Variants in TAF4B observed in about 807,000 individuals in gnomAD.
The protein encoded by TAF4B is transcription initiation factor TFIID subunit 4B.
In TAF4B, 38 loss-of-function variants were observed where a neutral mutation model predicts 86.4. The observed-to-expected ratio is 0.44, with a 90% CI of 0.34 to 0.58. The LOEUF is 0.58. TAF4B is among the 20% of genes least tolerant of loss of function. The pLI is 0.02. For missense variants in TAF4B, 988 were observed against 1,027.6 expected, an observed-to-expected ratio of 0.96 and a Z score of 0.53; for synonymous variants, 388 against 391.2, an observed-to-expected ratio of 0.99 and a Z score of 0.10.
Position 26,315,413 on chromosome 18 carries a change from A to T in TAF4B, c.2002+15A>T. 2 of 1,593,970 alleles carry T rather than the reference A, an allele frequency of 1.3e-6. No individual in the cohort carries two copies. Among genetic ancestry groups the T allele is most frequent in the South Asian group, 1.1e-5 (1 of 88,172 alleles). ...TTTAGACATTGGTAAGTGTAGAGTT[A>T]TGATTATTGACCTGATAGAGATGTC... On this transcript the variant is annotated intron_variant, in intron 10 of 14. Transcript: ENST00000269142.
chr18:26,321,181 A>T lies in TAF4B; in HGVS notation c.2114A>T (p.His705Leu). The change falls in exon 11 of 15, where the codon CAT becomes CTT. Residue 705 changes from histidine (H) to leucine (L), a missense_variant. Physicochemically the swap from His to Leu is moderately conservative, Grantham distance 99. Around this residue, in one of 3 missense-constraint regions of TAF4B, gnomAD observed 216 missense variants for 238.4 expected, o/e 0.91. Transcript: ENST00000269142. ...GAAAAACTGACTGCAATTGCTCAGC[A>T]TCGAATGACTACTTACAAGGTAAAG... is the stretch of plus-strand genomic sequence containing the variant. ...LLEKLTAIAQ[H>L]RMTTYKASEN... 1.2e-6 allele frequency: 2 copies of T among 1,613,834 alleles called. No individual in the cohort carries two copies. Among genetic ancestry groups the T allele is most frequent in the Non-Finnish European group, 1.7e-6 (2 of 1,179,796 alleles).
At position 26,281,951 on chromosome 18, in the gene TAF4B, C is replaced by A; in HGVS notation, c.883-20C>A. The A allele has an allele frequency of 1.3e-6, 2 of 1,571,654 alleles. No individual in the cohort carries two copies. Among genetic ancestry groups the A allele is most frequent in the East Asian group, 2.2e-5 (1 of 44,536 alleles). On this transcript the variant is annotated intron_variant, in intron 5 of 14. Transcript: ENST00000269142. The stretch of plus-strand genomic sequence containing the variant: ...AAGATTTGTAGACTTAAAATTGTTT[C>A]TATTTCTCCCATCCCTCAGGATGCA...
chr18:26,359,920 G>A (rs1252091254), intron 14 of TAF4B, among the ~76,000 whole-genome samples: 1 of 149,720 alleles, frequency 6.7e-6, no homozygotes, highest in African/African-American at 2.5e-5. Flanking sequence ...GTTTTGCCAT[G>A]TTGCCCAGCT....
chr18:26,292,398 C>T lies in TAF4B; in HGVS notation c.1726+17C>T, dbSNP rs760951786. On this transcript the variant is annotated intron_variant, in intron 8 of 14. Transcript: ENST00000269142. The stretch of plus-strand genomic sequence containing the variant: ...TTCCTCCAGGTAGATGCTGGTCCAT[C>T]TCAGTCCCATCATGCTGGGTTAGAA... 4.4e-6 allele frequency: 7 copies of T among 1,603,610 alleles called. No individual in the cohort carries two copies. The highest frequency in any genetic ancestry group is 6.0e-6 in the Non-Finnish European group (7 of 1,176,164).
intron 9 of TAF4B, among the ~76,000 whole-genome samples, chr18:26,298,234 A>G (rs2056688550): frequency 6.6e-6 from 1 of 151,626 alleles, no homozygotes; most frequent in Non-Finnish European, 1.5e-5. Flanking sequence ...TAATTTATTT[A>G]TTTTGAGACA....
chr18:26,243,375 T>C (rs1341488354), intron 1 of TAF4B, among the ~76,000 whole-genome samples: 2 of 152,230 alleles, frequency 1.3e-5, no homozygotes, highest in African/African-American at 2.4e-5. Context: ...GTTGATCGAA[T>C]CGGCTACTGA....
chr18:26,295,509 C>T (rs2056652128), intron 9 of TAF4B, among the ~76,000 whole-genome samples: 1 of 152,178 alleles, frequency 6.6e-6, no homozygotes, highest in Non-Finnish European at 1.5e-5. Flanking sequence ...GGTTTGTGCT[C>T]CTATGAGACT....
intron 11 of TAF4B, among the ~76,000 whole-genome samples, chr18:26,325,369 A>G (rs893806426): frequency 6.6e-6 from 1 of 152,190 alleles, no homozygotes; most frequent in African/African-American, 2.4e-5. Context: ...TAACATTGTA[A>G]AGCCCTACTC....
rs774387036 is a variant in TAF4B, at chr18:26,274,824, G to A, written c.759G>A (p.Pro253=). ...CAGCTGTTCAGATTAATCTTTCTCC[G>A]GTAAGCTCTTACTTGCACCTTACAT... ...NSAAVQINLS[P]TMLENVKKCK... is the part of the protein sequence containing the mutation. Residue 253 remains proline, a splice_region_variant and synonymous_variant, in exon 4 of 15, where the codon CCG becomes CCA. Coordinates refer to ENST00000269142, the MANE Select transcript of TAF4B (RefSeq NM_005640.3). 18 of 1,613,954 alleles carry A rather than the reference G, an allele frequency of 1.1e-5. No individual in the cohort carries two copies. The African/African-American group carries it at 1.2e-4, about 11-fold the overall frequency.
chr18:26,292,326 T>C lies in TAF4B; in HGVS notation c.1671T>C (p.Cys557=), dbSNP rs767796778. ...CCTCAACATTGACCATTCAGAAATGTGGACAGAAGACGATGCCAGTGAACA... is the reference window on the plus strand; with the variant it reads ...CCTCAACATTGACCATTCAGAAATGCGGACAGAAGACGATGCCAGTGAACA... ...SHSSTLTIQK[C]GQKTMPVNTI... Residue 557 remains cysteine (C), a synonymous_variant, in exon 8 of 15, where the codon TGT becomes TGC. Transcript: ENST00000269142. 21 of 1,614,056 alleles carry C rather than the reference T, an allele frequency of 1.3e-5. No homozygotes were observed. Among genetic ancestry groups the C allele is most frequent in the Non-Finnish European group, 1.7e-5 (20 of 1,180,018 alleles).
intron 3 of TAF4B, among the ~76,000 whole-genome samples, chr18:26,272,947 G>A (rs1343007859): frequency 6.6e-6 from 1 of 151,980 alleles, no homozygotes; most frequent in Non-Finnish European, 1.5e-5. Flanking sequence ...TATCTCTTTT[G>A]TTAAAAACTT....
intron 3 of TAF4B, among the ~76,000 whole-genome samples, chr18:26,273,395 A>T (rs1660082132): frequency 6.6e-6 from 1 of 152,224 alleles, no homozygotes; most frequent in African/African-American, 2.4e-5. Context: ...ACTACATGTG[A>T]TATGTACACA....
intron 9 of TAF4B, among the ~76,000 whole-genome samples, chr18:26,301,151 G>A (rs778632506): frequency 4.6e-5 from 7 of 152,172 alleles, no homozygotes; most frequent in African/African-American, 1.7e-4. Context: ...AACTATTGTA[G>A]CATTACTAGA....
chr18:26,267,349 A>G lies in TAF4B; in HGVS notation c.490-167A>G, dbSNP rs2056253733. ...GAAATGAGTGTCATCTGGGCAGCTGACCAGTTAGGTTTATAGTATAGAATG... is the reference window on the plus strand; with the variant it reads ...GAAATGAGTGTCATCTGGGCAGCTGGCCAGTTAGGTTTATAGTATAGAATG... On this transcript the variant is annotated intron_variant, in intron 2 of 14. Transcript: ENST00000269142. 2 of 459,088 alleles carry G rather than the reference A, an allele frequency of 4.4e-6. 1 individual carries two copies. The highest frequency in any genetic ancestry group is 1.1e-4 in the South Asian group (2 of 17,454). The allele number at this position is 459,088 out of a possible 1,614,324, so 28.4% of individuals were successfully genotyped here.
At chr18:26,275,796 A>G (rs567667482) in intron 5 of TAF4B, among the ~76,000 whole-genome samples, 1 of 152,118 alleles carries the variant, frequency 6.6e-6, no homozygotes, top group African/African-American at 2.4e-5. Context: ...CAGGTGGATC[A>G]CCTGAGGTCA....
At chr18:26,377,296 A>ATC (rs1169678355) in intron 14 of TAF4B, among the ~76,000 whole-genome samples, 1 of 152,218 alleles carries the variant, frequency 6.6e-6, no homozygotes, top group Admixed American at 6.5e-5. Context: ...TAGTGAAGCC[A>ATC]TCTGGCCCTG....
chr18:26,387,443 C>T (rs1277289311), intron 14 of TAF4B, among the ~76,000 whole-genome samples: 2 of 152,122 alleles, frequency 1.3e-5, no homozygotes, highest in East Asian at 1.9e-4. Context: ...ATTTTCCAAA[C>T]AAAACTGAGC....
At chr18:26,380,248 G>C (rs1416080174) in intron 14 of TAF4B, among the ~76,000 whole-genome samples, 1 of 152,098 alleles carries the variant, frequency 6.6e-6, no homozygotes, top group East Asian at 1.9e-4. Flanking sequence ...GAGGGAAATT[G>C]CCTGTAATTA....
At chr18:26,233,186 G>T (rs2055698141) in intron 1 of TAF4B, among the ~76,000 whole-genome samples, 1 of 152,164 alleles carries the variant, frequency 6.6e-6, no homozygotes, top group African/African-American at 2.4e-5. Flanking sequence ...TAAAGTACTT[G>T]CCAAGGTAGC....
Sources: allele counts gnomAD v4.1 joint callset (sites outside exome capture counted in the v4.1 genomes callset), GRCh38; gene constraint gnomAD v4.1.1; regional missense constraint gnomAD v4.1.1; transcripts MANE v1.5; gene names NCBI Gene and HGNC (gene_info 2026-07-23, HGNC 2026-07-21).